The following ALS2 variants were observed in gnomAD, a reference collection of about 807,000 sequenced individuals.
The protein encoded by ALS2 is alsin.
ALS2 carries 117 observed loss-of-function variants against 203.4 expected under a neutral mutation model. The ratio of observed to expected loss-of-function variants is 0.58; its 90% CI spans 0.50 to 0.67. The LOEUF is 0.67. ALS2 is among the 30% of genes least tolerant of loss of function. The probability of loss-of-function intolerance (pLI) is 0.00; values close to 1 mark genes in which losing one functional copy is unlikely to be tolerated. For missense variants in ALS2, 1,715 were observed against 1,989.4 expected (o/e 0.86, Z 2.62); for synonymous variants, 718 against 725.9 (o/e 0.99, Z 0.17).
At chr2:201,702,063 GCTGT>G (rs1689421164) in intron 33 of ALS2, among the ~76,000 whole-genome samples, 174 bp from the exon 34 acceptor site, 1 of 147,422 alleles carries the variant, frequency 6.8e-6, no homozygotes, top group African/African-American at 2.5e-5. Flanking sequence ...CTATCTAGTG[GCTGT>G]CTTTTGCCTA....
intron 7 of ALS2, among the ~76,000 whole-genome samples, chr2:201,752,866 G>A (rs1693150764): frequency 6.6e-6 from 1 of 152,134 alleles, no homozygotes; most frequent in Non-Finnish European, 1.5e-5. Context: ...CTTTTTAGGT[G>A]AGAACACATT....
intron 25 of ALS2, among the ~76,000 whole-genome samples, chr2:201,712,068 T>TTAA (rs1357684832): frequency 6.6e-6 from 1 of 151,778 alleles, no homozygotes; most frequent in African/African-American, 2.4e-5. Context: ...CAATTCCTAT[T>TTAA]TATCCCAAAT....
intron 1 of ALS2, among the ~76,000 whole-genome samples, chr2:201,777,896 TTA>T (rs1261194729): frequency 1.3e-5 from 2 of 152,200 alleles, no homozygotes; most frequent in Non-Finnish European, 2.9e-5. Flanking sequence ...TCATTCATTT[TTA>T]TGAGAAGATA....
chr2:201,715,944 C>T, intron 24 of ALS2, 105 bp from the exon 25 acceptor site: 1 of 1,203,392 alleles, frequency 8.3e-7, no homozygotes, highest in Admixed American at 1.7e-5. Context: ...TTTTCGTGAC[C>T]AAAACTGCCA....
At chr2:201,726,921 C>T (rs1245268659) in intron 17 of ALS2, 55 bp from the exon 18 acceptor site, 2 of 1,457,640 alleles carry the variant, frequency 1.4e-6, no homozygotes, top group Non-Finnish European at 1.9e-6. Context: ...TCAAGCATTG[C>T]TTTAAATCCT....
At chr2:201,718,727 C>G (rs1266285470) in intron 23 of ALS2, among the ~76,000 whole-genome samples, 1 of 151,698 alleles carries the variant, frequency 6.6e-6, no homozygotes, top group Non-Finnish European at 1.5e-5. Flanking sequence ...AACACACACA[C>G]AGGGAAAAGT....
Position 201,724,371 on chromosome 2 carries a change from A to G in ALS2, c.3436T>C (p.Ser1146Pro). Residue 1146 changes from serine (S) to proline (P), a missense_variant, in exon 21 of 34, where the codon TCT (serine) becomes CCT (proline). This residue lies in a region of ALS2 where 1,227 missense variants were observed against 1,413.5 expected (regional missense o/e 0.87). Transcript: ENST00000264276. ...TGGCCAATGAACATACTAGGAGAAG[A>G]GGACGTCAATTTCCCACTTCGTAGA... Reference protein sequence around the residue: ...GLLRSGKLTSSSPSMFIGQWV... With the variant: ...GLLRSGKLTSPSPSMFIGQWV... The G allele has an allele frequency of 6.2e-7, 1 of 1,613,844 alleles. No homozygotes were observed. The highest frequency in any genetic ancestry group is 8.5e-7 in the Non-Finnish European group (1 of 1,179,728).
intron 2 of ALS2, among the ~76,000 whole-genome samples, chr2:201,768,305 T>C (rs927301935): frequency 6.6e-6 from 1 of 152,236 alleles, no homozygotes; most frequent in East Asian, 1.9e-4. Context: ...GTAATGACCA[T>C]ATCCTAACTG....
chr2:201,726,156 A>G (rs1173423873), intron 19 of ALS2, among the ~76,000 whole-genome samples: 1 of 152,186 alleles, frequency 6.6e-6, no homozygotes, highest in African/African-American at 2.4e-5. Context: ...GTAAAGGAGG[A>G]CTACCATCTC....
At position 201,726,804 on chromosome 2, in the gene ALS2, G is replaced by A. The variant is rs1691197231; in HGVS notation, c.3042C>T (p.Leu1014=). Residue 1014 remains leucine, a synonymous_variant, in exon 18 of 34, where the codon CTC becomes CTT. Coordinates refer to ENST00000264276, the MANE Select transcript of ALS2 (RefSeq NM_020919.4). ...VDQALRGMSD[L]PPYGSGSSVQ... ...CACTGCTACCACTTCCATAAGGGGG[G>A]AGATCAGACATCCCTCTCAAAGCCT... 1 of 1,614,132 alleles carries A rather than the reference G, an allele frequency of 6.2e-7. No homozygotes were observed. Among genetic ancestry groups the A allele is most frequent in the African/African-American group, 1.3e-5 (1 of 75,040 alleles).
Position 201,761,766 on chromosome 2 carries a change from C to G in ALS2, c.228G>C (p.Glu76Asp). 1 of 1,613,818 alleles carries G rather than the reference C, an allele frequency of 6.2e-7. No individual in the cohort carries two copies. The highest frequency in any genetic ancestry group is 8.5e-7 in the Non-Finnish European group (1 of 1,179,956). The change falls in exon 4 of 34, where the codon GAG (glutamate) becomes GAC (aspartate). Residue 76 changes from glutamate (E) to aspartate (D), a missense_variant. Around this residue, in one of 3 missense-constraint regions of ALS2, gnomAD observed 476 missense variants for 539.3 expected, o/e 0.88. Coordinates refer to ENST00000264276, the MANE Select transcript of ALS2 (RefSeq NM_020919.4). ...CTAGAATGGGGCTACTTGGACAAAT[C>G]TCCACTGGTCCACTTCTCCAGGGAA... is the stretch of plus-strand genomic sequence containing the variant. ...GTLPWRSGPV[E>D]ICPSSPILEN... is the part of the protein sequence containing the mutation.
In ALS2 at chr2:201,705,220, G is replaced by C; in HGVS notation, c.4627-20C>G. 1.2e-6 allele frequency: 2 copies of C among 1,612,208 alleles called. No individual in the cohort carries two copies. The highest frequency in any genetic ancestry group is 2.7e-5 in the African/African-American group (2 of 74,994). On this transcript the variant is annotated intron_variant, in intron 30 of 33. Coordinates refer to ENST00000264276, the MANE Select transcript of ALS2 (RefSeq NM_020919.4). ...CAAAACCTGCAAAAAAGAGAGTGAAGGTCAAGGAGGAAAACTATTTTCTGC... is the reference window on the plus strand; with the variant it reads ...CAAAACCTGCAAAAAAGAGAGTGAACGTCAAGGAGGAAAACTATTTTCTGC...
At position 201,761,233 on chromosome 2, in the gene ALS2, C is replaced by T. The variant is rs766122711; in HGVS notation, c.761G>A (p.Ser254Asn). 13 of 1,614,042 alleles carry T rather than the reference C, an allele frequency of 8.1e-6. No individual in the cohort carries two copies. In the African/African-American group the frequency reaches 1.6e-4, roughly 20 times the overall value. Reference protein sequence around the residue: ...DKEDHVIISDSHCCPLGVTLT... With the variant: ...DKEDHVIISDNHCCPLGVTLT... ...TGTCACACCTAATGGGCAACAATGACTGTCTGATATAATCACATGGTCTTC... is the reference window on the plus strand; with the variant it reads ...TGTCACACCTAATGGGCAACAATGATTGTCTGATATAATCACATGGTCTTC... Residue 254 changes from serine to asparagine, a missense_variant, in exon 4 of 34, where the codon AGT becomes AAT. Coordinates refer to ENST00000264276, the MANE Select transcript of ALS2 (RefSeq NM_020919.4).
At chr2:201,762,646 C>T (rs1375857971) in intron 3 of ALS2, 1 of 152,174 alleles carries the variant, frequency 6.6e-6, no homozygotes, top group Non-Finnish European at 1.5e-5. Flanking sequence ...GGGATGCTCA[C>T]CCTGGACTTT....
At chr2:201,714,192 T>C (rs1574674600) in intron 25 of ALS2, among the ~76,000 whole-genome samples, 1 of 152,216 alleles carries the variant, frequency 6.6e-6, no homozygotes, top group East Asian at 1.9e-4. Flanking sequence ...GGAATTAAGC[T>C]TCGTAAAAGT....
At chr2:201,727,574 G>T in intron 16 of ALS2, 131 bp downstream of exon 16, 3 of 810,824 alleles carry the variant, frequency 3.7e-6, no homozygotes, top group Non-Finnish European at 6.2e-6. Flanking sequence ...CTAATGTGCT[G>T]AGAGGTGGGC....
intron 24 of ALS2, 119 bp downstream of exon 24, chr2:201,717,958 A>G: frequency 9.6e-7 from 1 of 1,039,074 alleles, no homozygotes; most frequent in South Asian, 1.6e-5. Flanking sequence ...AAATAAAATA[A>G]AATAAAAAAG....
intron 13 of ALS2, among the ~76,000 whole-genome samples, chr2:201,732,028 T>G (rs1156377424): frequency 6.6e-6 from 1 of 152,192 alleles, no homozygotes; most frequent in Non-Finnish European, 1.5e-5. Context: ...GTGGAAAATT[T>G]TTTTATTAAT....
chr2:201,700,922 G>C lies in ALS2; in HGVS notation c.*929C>G, dbSNP rs1183504924. ...CTTGTTTCCTTTTTCTTCCCATCCT[G>C]AGTTCAGTGTGAAGTATAGGGAAGA... On this transcript the variant is annotated 3_prime_UTR_variant, in exon 34 of 34. Coordinates refer to ENST00000264276, the MANE Select transcript of ALS2 (RefSeq NM_020919.4). 1 of 152,232 alleles carries C rather than the reference G, an allele frequency of 6.6e-6. No individual in the cohort carries two copies. The highest frequency in any genetic ancestry group is 2.4e-5 in the African/African-American group (1 of 41,442). 9.4% of individuals were successfully genotyped at this position (152,232 alleles called of 1,614,324 possible). A position where few individuals can be genotyped will look rare whatever the true frequency, so the allele number is the denominator to read the frequency against.
Sources: allele counts gnomAD v4.1 joint callset (sites outside exome capture counted in the v4.1 genomes callset), GRCh38; gene constraint gnomAD v4.1.1; regional missense constraint gnomAD v4.1.1; transcripts MANE v1.5; gene names NCBI Gene and HGNC (gene_info 2026-07-23, HGNC 2026-07-21).